The following VWF variants were observed in gnomAD, a reference collection of about 807,000 sequenced individuals.
VWF encodes von Willebrand factor.
Under a neutral mutation model 308.6 loss-of-function variants are expected in VWF, and 176 were observed. The ratio of observed to expected loss-of-function variants is 0.57; its 90% CI spans 0.50 to 0.65. The LOEUF is 0.65. Ranked by LOEUF, VWF falls within the 30% of genes least tolerant of loss-of-function variation. The probability of loss-of-function intolerance (pLI) is 0.00; values close to 1 mark genes in which losing one functional copy is unlikely to be tolerated. For synonymous variants in VWF, 1,385 were observed against 1,443.4 expected, an observed-to-expected ratio of 0.96 and a Z score of 0.92; for missense variants, 3,146 against 3,648.2, an observed-to-expected ratio of 0.86 and a Z score of 3.55.
chr12:5,993,662 TATAC>T (rs1943769515), intron 37 of VWF, among the ~76,000 whole-genome samples, 196 bp downstream of exon 37: 1 of 144,408 alleles, frequency 6.9e-6, no homozygotes, highest in Non-Finnish European at 1.5e-5. Context: ...TATATATATA[TATAC>T]ACACACACAC....
At position 6,072,315 on chromosome 12, in the gene VWF, G is replaced by C; in HGVS notation, c.1109+16C>G. The C allele has an allele frequency of 6.2e-7, 1 of 1,611,176 alleles. No homozygotes were observed. Among genetic ancestry groups the C allele is most frequent in the Non-Finnish European group, 8.5e-7 (1 of 1,177,578 alleles). On this transcript the variant is annotated intron_variant, in intron 9 of 51. Transcript: ENST00000261405. ...CCAGGCAGGTCTCCCAGAGCACGCT[G>C]CGCAGCCCCCATTACCAGGTGTTGC...
chr12:6,116,498 G>T (rs967971643), intron 3 of VWF, among the ~76,000 whole-genome samples: 1 of 152,220 alleles, frequency 6.6e-6, no homozygotes. Context: ...GAGAACAGGG[G>T]TCTGGTCTGA....
chr12:6,051,298 T>TCC, intron 16 of VWF, among the ~76,000 whole-genome samples: 1 of 146,298 alleles, frequency 6.8e-6, no homozygotes, highest in Non-Finnish European at 1.5e-5. Context: ...TTTTTTTTTT[T>TCC]TTTTTTTTTT....
chr12:6,106,644 G>A (rs968185330), intron 5 of VWF, among the ~76,000 whole-genome samples: 1 of 151,956 alleles, frequency 6.6e-6, no homozygotes, highest in African/African-American at 2.4e-5. Context: ...GAGGCTAAGC[G>A]GAGGCGGATC....
At chr12:6,117,414 G>T (rs1156562448) in intron 3 of VWF, among the ~76,000 whole-genome samples, 1 of 152,212 alleles carries the variant, frequency 6.6e-6, no homozygotes, top group Non-Finnish European at 1.5e-5. Flanking sequence ...TCGTGGAAAT[G>T]CCTGGGGGCC....
At chr12:6,039,243 C>A (rs1414785417) in intron 18 of VWF, among the ~76,000 whole-genome samples, 1 of 152,214 alleles carries the variant, frequency 6.6e-6, no homozygotes, top group Non-Finnish European at 1.5e-5. Flanking sequence ...CATCACTCAC[C>A]AACTCATGAC....
In VWF at chr12:6,021,984, G is replaced by T. The variant is rs372171661; in HGVS notation, c.3590C>A (p.Pro1197Gln). 2.5e-6 allele frequency: 4 copies of T among 1,614,052 alleles called. No individual in the cohort carries two copies. The highest frequency in any genetic ancestry group is 3.3e-5 in the Admixed American group (2 of 60,000). The change falls in exon 27 of 52, where the codon CCA becomes CAA. Residue 1197 changes from proline (P) to glutamine (Q), a missense_variant. This residue lies in a region of VWF where 853 missense variants were observed against 1,177.8 expected (regional missense o/e 0.72). Coordinates refer to ENST00000261405, the MANE Select transcript of VWF (RefSeq NM_000552.5). ...ACGCCGGCCAGCCACCTCACACACTGGACAGTCTTCAGGGTCAACGCAGGT... is the reference window on the plus strand; with the variant it reads ...ACGCCGGCCAGCCACCTCACACACTTGACAGTCTTCAGGGTCAACGCAGGT... The part of the protein sequence containing the change: ...LQTCVDPEDC[P>Q]VCEVAGRRFA...
At chr12:6,015,284 T>C (rs1293073368) in intron 31 of VWF, among the ~76,000 whole-genome samples, 1 of 152,252 alleles carries the variant, frequency 6.6e-6, no homozygotes, top group Non-Finnish European at 1.5e-5. Context: ...GGAATAGATA[T>C]GTTACAAATA....
chr12:6,063,052 C>A lies in VWF; in HGVS notation c.1435G>T (p.Asp479Tyr), dbSNP rs776723859. The change falls in exon 13 of 52, where the codon GAC becomes TAC. Residue 479 changes from aspartate to tyrosine, a missense_variant and splice_region_variant. Coordinates refer to ENST00000261405, the MANE Select transcript of VWF (RefSeq NM_000552.5). The surrounding 1 kb of genome is among the most constrained non-coding windows in gnomAD (Gnocchi z 4.9). Reference sequence around the variant, plus strand: ...GTCACTGTATGCTGGATGCGGAGGTCACCTGGAACCCAGCAGGACAGGACT... The same window carrying A: ...GTCACTGTATGCTGGATGCGGAGGTAACCTGGAACCCAGCAGGACAGGACT... ...QDVQLPLLKG[D>Y]LRIQHTVTAS... 6.2e-7 allele frequency: 1 copy of A among 1,613,068 alleles called. No individual in the cohort carries two copies. The highest frequency in any genetic ancestry group is 8.5e-7 in the Non-Finnish European group (1 of 1,179,892).
chr12:6,050,897 GCGAGC>G (rs1944501556), intron 16 of VWF, among the ~76,000 whole-genome samples: 2 of 151,614 alleles, frequency 1.3e-5, no homozygotes, highest in Non-Finnish European at 2.9e-5. Context: ...GGAGGTTGCA[GCGAGC>G]CGAGATTGTG....
intron 32 of VWF, among the ~76,000 whole-genome samples, chr12:6,012,756 C>T (rs1326838479): frequency 6.7e-6 from 1 of 149,420 alleles, no homozygotes. Flanking sequence ...GGCTGGAGTA[C>T]AGTGGCGCGA....
rs1198900329 is a variant in VWF, at chr12:6,020,245, A to G, written c.3675-502T>C. 1.3e-5 allele frequency among the ~76,000 whole-genome samples: 2 copies of G among 152,266 alleles called. No homozygotes were observed. Among genetic ancestry groups the G allele is most frequent in the African/African-American group, 4.8e-5 (2 of 41,476 alleles). On this transcript the variant is annotated intron_variant, in intron 27 of 51. Coordinates refer to ENST00000261405, the MANE Select transcript of VWF (RefSeq NM_000552.5). This position sits in a 1 kb window ranked among gnomAD's most constrained non-coding sequence, Gnocchi z 4.3. ...ATGTAAATTGCATGAGTTTTAAAAC[A>G]TGTTTGATATGTTGGGCCCTAACGA...
intron 20 of VWF, among the ~76,000 whole-genome samples, chr12:6,033,002 A>C (rs1211675381): frequency 1.5e-5 from 2 of 136,490 alleles, no homozygotes; most frequent in Admixed American, 6.9e-5. Context: ...ACACCCACAC[A>C]CACGCACATG....
At chr12:6,017,819 A>G (rs1275129943) in intron 28 of VWF, among the ~76,000 whole-genome samples, 1 of 152,236 alleles carries the variant, frequency 6.6e-6, no homozygotes, top group Non-Finnish European at 1.5e-5. Flanking sequence ...TTACCCAGCT[A>G]GCAAGTAGCA....
intron 13 of VWF, among the ~76,000 whole-genome samples, chr12:6,062,560 G>A (rs932797890): frequency 3.3e-5 from 5 of 151,960 alleles, no homozygotes; most frequent in African/African-American, 7.3e-5. Context: ...ACCTTTCCCG[G>A]GCAGGCTTTC....
intron 10 of VWF, 146 bp from the exon 11 acceptor site, chr12:6,065,419 T>A: frequency 4.5e-6 from 5 of 1,102,558 alleles, no homozygotes; most frequent in Non-Finnish European, 6.6e-6. Flanking sequence ...AAACAAGTTC[T>A]ACGAGAAAAT....
At chr12:6,004,689 G>T (rs1264454123) in intron 34 of VWF, among the ~76,000 whole-genome samples, 1 of 149,238 alleles carries the variant, frequency 6.7e-6, no homozygotes, top group Non-Finnish European at 1.5e-5. Flanking sequence ...ATAGGATATG[G>T]AATTAACATA....
chr12:6,081,545 G>T (rs1323493356), intron 6 of VWF, among the ~76,000 whole-genome samples: 1 of 152,060 alleles, frequency 6.6e-6, no homozygotes, highest in Non-Finnish European at 1.5e-5. Flanking sequence ...TCACCATGTT[G>T]GCCAGGATGG....
chr12:5,993,776 C>A (rs939521200), intron 37 of VWF, 86 bp downstream of exon 37: 7 of 1,260,988 alleles, frequency 5.6e-6, no homozygotes, highest in Non-Finnish European at 7.9e-6. Context: ...TCCTTATTAG[C>A]CAGATAAAGA....
Sources: allele counts gnomAD v4.1 joint callset (sites outside exome capture counted in the v4.1 genomes callset), GRCh38; gene constraint gnomAD v4.1.1; regional missense constraint gnomAD v4.1.1; non-coding constraint Gnocchi (gnomAD v3.1); transcripts MANE v1.5; gene names NCBI Gene and HGNC (gene_info 2026-07-23, HGNC 2026-07-21).